The following NDUFAF6 variants were observed in gnomAD, a reference collection of about 807,000 sequenced individuals.
NDUFAF6 encodes NADH:ubiquinone oxidoreductase complex assembly factor 6.
NDUFAF6 carries 45 observed loss-of-function variants against 40.8 expected under a neutral mutation model. The ratio of observed to expected loss-of-function variants is 1.10; its 90% CI spans 0.87 to 1.42. The LOEUF (loss-of-function observed/expected upper bound fraction) is 1.42, where lower values mean the gene tolerates loss of function less well. NDUFAF6 is among the 40% of genes most tolerant of loss of function. The pLI is 0.00. For synonymous variants in NDUFAF6, 185 were observed against 155.9 expected (o/e 1.19, Z -1.39); for missense variants, 435 against 418.5 (o/e 1.04, Z -0.34).
At chr8:94,963,125 CACTA>C (rs1823737268) in intron 1 of NDUFAF6, among the ~76,000 whole-genome samples, 3 of 152,150 alleles carry the variant, frequency 2.0e-5, no homozygotes, top group Admixed American at 6.5e-5. Context: ...AAAAAAAAAT[CACTA>C]ACTATTAAAT....
chr8:94,953,808 TTC>T (rs766562324), upstream of NDUFAF6, among the ~76,000 whole-genome samples: 43 of 24,932 alleles, frequency 1.7e-3, no homozygotes, highest in Non-Finnish European at 4.3e-3. Context: ...GTTTATTGGA[TTC>T]TTTTTTTTTT....
rs112278423 is a variant in NDUFAF6, at chr8:94,982,260, T to C, written c.-84+1287T>C. On this transcript the variant is annotated intron_variant, in intron 2 of 9. Transcript: ENST00000396111. ...AAAAAAAAATTATACATCTTTTCTA[T>C]GCTTAGATGTGTTTAGATACACAAA... 5.9e-3 allele frequency among the ~76,000 whole-genome samples: 901 copies of C among 152,234 alleles called. 12 individuals are homozygous for C. Among genetic ancestry groups the C allele is most frequent in the Middle Eastern group, 0.034 (10 of 294 alleles).
At chr8:94,936,511 T>C (rs954480652) in intron 1 of NDUFAF6, among the ~76,000 whole-genome samples, 1 of 152,056 alleles carries the variant, frequency 6.6e-6, no homozygotes, top group African/African-American at 2.4e-5. Context: ...TCAAAGAAGG[T>C]AAAAACAAAT....
intron 2 of NDUFAF6, among the ~76,000 whole-genome samples, chr8:95,095,335 G>A (rs897903391): frequency 6.6e-6 from 1 of 152,150 alleles, no homozygotes; most frequent in Non-Finnish European, 1.5e-5. Flanking sequence ...TAGTACTGCT[G>A]GAGAAGGAAG....
chr8:94,950,878 G>C (rs1009995761), intron 2 of NDUFAF6: 11 of 152,080 alleles, frequency 7.2e-5, no homozygotes, highest in African/African-American at 2.7e-4. Flanking sequence ...GTTTGATAAG[G>C]TTTATCATGG....
At chr8:94,966,555 C>T (rs1192892873) in intron 1 of NDUFAF6, among the ~76,000 whole-genome samples, 1 of 152,176 alleles carries the variant, frequency 6.6e-6, no homozygotes, top group Non-Finnish European at 1.5e-5. Context: ...GACTGCACCA[C>T]TGCACTCCAG....
intron 2 of NDUFAF6, among the ~76,000 whole-genome samples, chr8:94,952,906 G>A (rs1014899900): frequency 6.6e-6 from 1 of 152,194 alleles, no homozygotes. Flanking sequence ...GTGCTAGGGG[G>A]GAGTCCCCAA....
chr8:94,977,140 GAAAAAAA>G (rs999161388), intron 1 of NDUFAF6, among the ~76,000 whole-genome samples: 5 of 66,922 alleles, frequency 7.5e-5, no homozygotes, highest in Middle Eastern at 7.0e-3. Flanking sequence ...CCCTGACTCA[GAAAAAAA>G]AAAAAAAAAA....
intron 1 of NDUFAF6, among the ~76,000 whole-genome samples, chr8:94,965,648 C>T (rs1398337972): frequency 6.6e-6 from 1 of 152,154 alleles, no homozygotes; most frequent in Non-Finnish European, 1.5e-5. Context: ...GGGATAAAAA[C>T]TCAACAGAAT....
At chr8:95,116,277 A>G (rs2132092469) in exon 6 of NDUFAF6, 1 of 150,988 alleles carries the variant, frequency 6.6e-6, no homozygotes, top group South Asian at 2.1e-4. Context: ...TAGATGCCGC[A>G]GATGGTGATT....
chr8:95,078,662 A>AAAAATATATATATATATATAT (rs545018367), downstream of NDUFAF6: 27 of 121,038 alleles, frequency 2.2e-4, no homozygotes, highest in African/African-American at 8.2e-4. Context: ...AAAAAAAAAA[A>AAAAATATATATATATATATAT]ATATATATAT....
chr8:94,914,540 A>G (rs377357494), intron 1 of NDUFAF6, among the ~76,000 whole-genome samples: 1 of 152,186 alleles, frequency 6.6e-6, no homozygotes, highest in East Asian at 1.9e-4. Flanking sequence ...CTCAAAGCCT[A>G]TGGTTGCTCA....
intron 2 of NDUFAF6, among the ~76,000 whole-genome samples, chr8:95,089,904 G>C (rs1451712): frequency 0.7 from 106,521 of 152,020 alleles, 37,980 homozygotes; most frequent in East Asian, 0.89. Flanking sequence ...TTTCATATTA[G>C]ACTCCACTTA....
At chr8:94,934,492 T>G (rs1586708591) in intron 1 of NDUFAF6, among the ~76,000 whole-genome samples, 1 of 151,876 alleles carries the variant, frequency 6.6e-6, no homozygotes, top group East Asian at 1.9e-4. Flanking sequence ...TTCAAGCAAT[T>G]CTCCTGCCTC....
chr8:95,072,590 C>T (rs1832904190), intron 9 of NDUFAF6: 1 of 152,272 alleles, frequency 6.6e-6, no homozygotes, highest in Non-Finnish European at 1.5e-5. Flanking sequence ...GAAGCAACAC[C>T]CTCGTGGTAT....
At chr8:94,955,514 A>G (rs1266299121), upstream of NDUFAF6, among the ~76,000 whole-genome samples, 1 of 152,228 alleles carries the variant, frequency 6.6e-6, no homozygotes, top group African/African-American at 2.4e-5. Context: ...TTTTTAACAC[A>G]TGAACTTTGG....
intron 1 of NDUFAF6, among the ~76,000 whole-genome samples, chr8:94,973,513 C>G (rs1273342414): frequency 1.3e-5 from 2 of 152,054 alleles, no homozygotes; most frequent in East Asian, 3.9e-4. Flanking sequence ...TCGAGACCAT[C>G]CTAGCTAACA....
intron 1 of NDUFAF6, among the ~76,000 whole-genome samples, chr8:94,902,085 T>C (rs1276486616): frequency 6.6e-6 from 1 of 152,010 alleles, no homozygotes; most frequent in Non-Finnish European, 1.5e-5. Context: ...AGTACATGTC[T>C]CCCTAAGTAC....
At chr8:95,069,859 G>T (rs1313851584) in intron 9 of NDUFAF6, among the ~76,000 whole-genome samples, 1 of 145,438 alleles carries the variant, frequency 6.9e-6, no homozygotes, top group Non-Finnish European at 1.5e-5. Context: ...TTTTTCCAAA[G>T]ATCTTAATTC....
Sources: allele counts gnomAD v4.1 joint callset (sites outside exome capture counted in the v4.1 genomes callset), GRCh38; gene constraint gnomAD v4.1.1; transcripts MANE v1.5; gene names NCBI Gene and HGNC (gene_info 2026-07-23, HGNC 2026-07-21).